BAIAP2: variants seen among roughly 807,000 people sequenced by gnomAD.
The protein encoded by BAIAP2 is BAR/IMD domain-containing adapter protein 2.
In BAIAP2, 18 loss-of-function variants were observed where a neutral mutation model predicts 63.0. That is an observed-to-expected ratio of 0.29 (90% CI 0.20 to 0.42). The LOEUF is 0.42. Ranked by LOEUF, BAIAP2 falls within the 10% of genes least tolerant of loss-of-function variation. The pLI is 1.00. For missense variants in BAIAP2, 610 were observed against 734.3 expected, an observed-to-expected ratio of 0.83 and a Z score of 1.96; for synonymous variants, 386 against 307.6, an observed-to-expected ratio of 1.25 and a Z score of -2.67.
chr17:81,105,859 A>G (rs1158358195), intron 10 of BAIAP2: 5 of 498,754 alleles, frequency 1.0e-5, no homozygotes, highest in African/African-American at 4.0e-5. Context: ...GGCAGCTCCC[A>G]CCAGGTTGAG....
At chr17:81,035,714 G>A (rs2046144702) in intron 1 of BAIAP2, among the ~76,000 whole-genome samples, 1 of 151,918 alleles carries the variant, frequency 6.6e-6, no homozygotes, top group Non-Finnish European at 1.5e-5. Context: ...GGCCGGGGCG[G>A]CGGGGGCGGC....
At chr17:81,094,726 C>T (rs1306734560) in intron 6 of BAIAP2, among the ~76,000 whole-genome samples, 3 of 152,208 alleles carry the variant, frequency 2.0e-5, no homozygotes, top group African/African-American at 7.2e-5. Flanking sequence ...TTAGAGCAGC[C>T]ACTGGCTGCA....
At chr17:81,085,053 G>A in intron 4 of BAIAP2, 160 bp downstream of exon 4, 1 of 721,858 alleles carries the variant, frequency 1.4e-6, no homozygotes, top group Non-Finnish European at 2.4e-6. Context: ...CACACTCGAA[G>A]GAGGACGTCG....
rs141223593 is a variant in BAIAP2 at position 81,064,154 on chromosome 17, C to T, written c.217+6187C>T. Among the ~76,000 whole-genome samples, 1,133 of 152,368 alleles carry T rather than the reference C, an allele frequency of 7.4e-3. 6 individuals carry two copies. Among genetic ancestry groups the T allele is most frequent in the Non-Finnish European group, 0.013 (858 of 68,040 alleles). ...CCTGGCTGCCCTTCTTCCTCCTCTTCTCATTCCTTCCCCACTTTCATTCTT... is the reference window on the plus strand; with the variant it reads ...CCTGGCTGCCCTTCTTCCTCCTCTTTTCATTCCTTCCCCACTTTCATTCTT... On this transcript the variant is annotated intron_variant, in intron 3 of 13. Transcript: ENST00000428708.
chr17:81,104,720 G>T lies in BAIAP2; in HGVS notation c.1268+5G>T. 6.4e-7 allele frequency: 1 copy of T among 1,565,030 alleles called. No individual in the cohort carries two copies. The highest frequency in any genetic ancestry group is 8.7e-7 in the Non-Finnish European group (1 of 1,153,144). On this transcript the variant is annotated splice_donor_5th_base_variant and intron_variant, in intron 10 of 13. Transcript: ENST00000428708. ...AGAGAGTGAGAAGACCAAGATGTGA[G>T]TGTTTCTCGGGGGCGGGCTCCAGGC...
chr17:81,060,128 C>T (rs1264673170), intron 3 of BAIAP2, among the ~76,000 whole-genome samples: 2 of 152,196 alleles, frequency 1.3e-5, no homozygotes, highest in East Asian at 3.9e-4. Context: ...GAGGGCCAGC[C>T]ACATGTCAGC....
intron 3 of BAIAP2, among the ~76,000 whole-genome samples, chr17:81,059,266 G>A (rs987443240): frequency 6.6e-6 from 1 of 152,220 alleles, no homozygotes; most frequent in Non-Finnish European, 1.5e-5. Flanking sequence ...GAGGCACTCT[G>A]GGCGGGGTCC....
rs576674795 is a variant in BAIAP2 at position 81,051,711 on chromosome 17, A to G, written c.55-1957A>G. Among the ~76,000 whole-genome samples, 5 of 151,936 alleles carry G rather than the reference A, an allele frequency of 3.3e-5. No individual in the cohort carries two copies. In the South Asian group the frequency reaches 1.0e-3, roughly 32 times the overall value. ...CCGGCCTGTTTTATTTTTTTTAGAG[A>G]CAGGGTCTCACTCTGTCACCCAGGC... On this transcript the variant is annotated intron_variant, in intron 1 of 13. Transcript: ENST00000428708.
chr17:81,043,144 G>C (rs1568061444), intron 1 of BAIAP2, among the ~76,000 whole-genome samples: 1 of 152,198 alleles, frequency 6.6e-6, no homozygotes, highest in Non-Finnish European at 1.5e-5. Flanking sequence ...TGGGATTACA[G>C]GCGTGAGCCA....
intron 1 of BAIAP2, among the ~76,000 whole-genome samples, chr17:81,035,814 G>C (rs867996658): frequency 4.5e-4 from 68 of 152,274 alleles, no homozygotes; most frequent in Non-Finnish European, 7.4e-4. Flanking sequence ...CTCCAGGCGC[G>C]GTTGCGCGAG....
chr17:81,070,591 C>T (rs182457827), intron 3 of BAIAP2, among the ~76,000 whole-genome samples: 75 of 152,304 alleles, frequency 4.9e-4, no homozygotes, highest in African/African-American at 1.5e-3. Context: ...AAGGCCCTGG[C>T]GTGCCTGTCC....
chr17:81,057,549 TAC>T (rs2049798961), intron 2 of BAIAP2: 9 of 828,488 alleles, frequency 1.1e-5, no homozygotes, highest in Non-Finnish European at 1.3e-5. Context: ...TCTCATGAAA[TAC>T]AGTTAGTACA....
chr17:81,070,546 T>C lies in BAIAP2; in HGVS notation c.217+12579T>C, dbSNP rs968255757. On this transcript the variant is annotated intron_variant, in intron 3 of 13. Coordinates refer to ENST00000428708, the MANE Select transcript of BAIAP2 (RefSeq NM_001144888.2). ...AGGAGAGAGGCACAGGGAGGGTTGC[T>C]GCAGAGGGGTTCCTAGTGGACGCGG... Among the ~76,000 whole-genome samples the C allele has an allele frequency of 4.6e-5, 7 of 152,300 alleles. No individual in the cohort carries two copies. The South Asian group carries it at 1.2e-3, about 27-fold the overall frequency.
At position 81,065,478 on chromosome 17, in the gene BAIAP2, C is replaced by T. The variant is rs572554128; in HGVS notation, c.217+7511C>T. On this transcript the variant is annotated intron_variant, in intron 3 of 13. Transcript: ENST00000428708. ...AGGGCAGGGCAGGTGCTCACCATGC[C>T]GCTGGGCCGTGTGGGTGCCTGGGTG... is the stretch of plus-strand genomic sequence containing the variant. 2.8e-3 allele frequency among the ~76,000 whole-genome samples: 426 copies of T among 152,268 alleles called. 1 individual carries two copies. Among genetic ancestry groups the T allele is most frequent in the Non-Finnish European group, 3.7e-3 (249 of 68,010 alleles).
chr17:81,058,254 G>T (rs1290394758), intron 3 of BAIAP2, among the ~76,000 whole-genome samples: 1 of 152,168 alleles, frequency 6.6e-6, no homozygotes, highest in African/African-American at 2.4e-5. Context: ...ATGGGGGTCT[G>T]TGTGCTTGGA....
rs747875777 is a variant in BAIAP2, at chr17:81,109,372, TAAAAAAAA to T, written c.1535+879_1535+886del. Reference sequence around the variant, plus strand: ...AAAGTTTGAAGAAAAAGAAAAATCTTAAAAAAAAAAAAAAAAAAAAAAAGAAAAAAAGA... The same window carrying T: ...AAAGTTTGAAGAAAAAGAAAAATCTTAAAAAAAAAAAAAAAGAAAAAAAGA... On this transcript the variant is annotated intron_variant, in intron 13 of 13. Coordinates refer to ENST00000428708, the MANE Select transcript of BAIAP2 (RefSeq NM_001144888.2). 2.7e-4 allele frequency: 242 copies of T among 890,608 alleles called. 1 individual carries two copies. In the African/African-American group the frequency reaches 4.5e-3, roughly 16 times the overall value. 55.2% of individuals were successfully genotyped at this position (890,608 alleles called of 1,614,324 possible).
At chr17:81,102,607 C>T (rs2058646885) in intron 7 of BAIAP2, among the ~76,000 whole-genome samples, 1 of 152,216 alleles carries the variant, frequency 6.6e-6, no homozygotes, top group Admixed American at 6.5e-5. Context: ...GACCCCTGGT[C>T]TGAGCCAGCA....
chr17:81,036,623 G>A (rs561559439), intron 1 of BAIAP2, among the ~76,000 whole-genome samples: 7 of 152,250 alleles, frequency 4.6e-5, no homozygotes, highest in Non-Finnish European at 1.0e-4. Flanking sequence ...CTGAAGGCGG[G>A]TGTGCGGTCG....
intron 13 of BAIAP2, among the ~76,000 whole-genome samples, chr17:81,113,760 A>G (rs1453433902): frequency 6.6e-6 from 1 of 152,174 alleles, no homozygotes; most frequent in Non-Finnish European, 1.5e-5. Flanking sequence ...AGAAAAATGC[A>G]GGTTAGAGAA....
Sources: gnomAD v4.1 joint callset for allele counts (sites outside exome capture counted in the v4.1 genomes callset) on GRCh38, gnomAD v4.1.1 for gene constraint, MANE v1.5 for transcripts, NCBI Gene and HGNC (gene_info 2026-07-23, HGNC 2026-07-21) for gene names.